Variants in MAPK8IP3 observed in about 807,000 individuals in gnomAD.
The protein encoded by MAPK8IP3 is mitogen-activated protein kinase 8 interacting protein 3, also known as C-Jun-amino-terminal kinase-interacting protein 3.
MAPK8IP3 carries 49 observed loss-of-function variants against 157.8 expected under a neutral mutation model. The observed-to-expected ratio is 0.31, with a 90% confidence interval of 0.25 to 0.39. The LOEUF is 0.39. MAPK8IP3 is among the 10% of genes least tolerant of loss of function. The pLI, the probability that MAPK8IP3 is intolerant of heterozygous loss-of-function variation, is 1.00. For missense variants in MAPK8IP3, 1,478 were observed against 1,889.4 expected (o/e 0.78, Z 4.04); for synonymous variants, 897 against 777.7 (o/e 1.15, Z -2.55).
In MAPK8IP3 at chr16:1,747,275, G is replaced by T; in HGVS notation, c.994G>T (p.Gly332Cys). 6.2e-7 allele frequency: 1 copy of T among 1,612,108 alleles called. No homozygotes were observed. Among genetic ancestry groups the T allele is most frequent in the Non-Finnish European group, 8.5e-7 (1 of 1,178,890 alleles). Residue 332 changes from glycine (G) to cysteine (C), a missense_variant and splice_region_variant, in exon 6 of 32, where the codon GGC becomes TGC. By Grantham distance (159) the Gly-to-Cys change is radical. This residue lies in a region of MAPK8IP3 where 315 missense variants were observed against 394.4 expected (regional missense o/e 0.80). Transcript: ENST00000610761. ...CCAGGAGATGCGCAACGTCAGTATA[G>T]GTGGGTGCCCACCTCCGGGACTCTG... ...VTQEMRNVSI[G>C]MGSSDEWSDV...
intron 4 of MAPK8IP3, among the ~76,000 whole-genome samples, chr16:1,738,040 G>A (rs184472346): frequency 1.9e-4 from 17 of 88,550 alleles, no homozygotes; most frequent in Admixed American, 4.9e-4. Flanking sequence ...CCGTGTGAGC[G>A]TGTGACCGTC....
chr16:1,715,828 A>G (rs2038110881), intron 1 of MAPK8IP3, among the ~76,000 whole-genome samples: 3 of 151,664 alleles, frequency 2.0e-5, no homozygotes, highest in Non-Finnish European at 4.4e-5. Context: ...TCCCGGGTTC[A>G]AGCGATTCTG....
intron 1 of MAPK8IP3, among the ~76,000 whole-genome samples, chr16:1,709,528 G>A (rs2037623969): frequency 2.0e-5 from 3 of 152,292 alleles, no homozygotes; most frequent in Admixed American, 1.3e-4. Context: ...CAGGGCCGCC[G>A]TGGACGGCAG....
Position 1,743,011 on chromosome 16 carries a change from C to T in MAPK8IP3, c.603-321C>T, listed in dbSNP as rs1287466895. 2.6e-5 allele frequency among the ~76,000 whole-genome samples: 4 copies of T among 151,970 alleles called. No individual in the cohort carries two copies. Among genetic ancestry groups the T allele is most frequent in the South Asian group, 4.1e-4 (2 of 4,828 alleles). On this transcript the variant is annotated intron_variant, in intron 4 of 31. Coordinates refer to ENST00000610761, the MANE Select transcript of MAPK8IP3 (RefSeq NM_001318852.2). The surrounding 1 kb of genome is among the most constrained non-coding windows in gnomAD (Gnocchi z 5.6). ...GTGGGAGGCTGAGGCAGGAGAATGGCGTGAACCTGGGAGGTGGAACTTGCA... is the reference window on the plus strand; with the variant it reads ...GTGGGAGGCTGAGGCAGGAGAATGGTGTGAACCTGGGAGGTGGAACTTGCA...
rs540363815 is a variant in MAPK8IP3 at position 1,738,186 on chromosome 16, G to A, written c.603-5146G>A. Among the ~76,000 whole-genome samples the A allele has an allele frequency of 8.2e-4, 70 of 85,796 alleles. 5 individuals are homozygous for A. The highest frequency in any genetic ancestry group is 6.2e-4 in the Admixed American group (5 of 8,052). 56.3% of individuals were successfully genotyped at this position (85,796 alleles called of 152,430 possible). On this transcript the variant is annotated intron_variant, in intron 4 of 31. Coordinates refer to ENST00000610761, the MANE Select transcript of MAPK8IP3 (RefSeq NM_001318852.2). ...TGTGTGACCGTCCGTGTGAGCGTCC[G>A]TGAGCGTGTGACCGTCCGTGTGTGT... is the stretch of plus-strand genomic sequence containing the variant.
rs1216692963 is a variant in MAPK8IP3, at chr16:1,741,480, C to T, written c.603-1852C>T. ...CTTGGCCTCCTGGGAGACCAGAGGC[C>T]CCTCTGACCCTGCTGTCCCCTGTAG... On this transcript the variant is annotated intron_variant, in intron 4 of 31. Transcript: ENST00000610761. The surrounding 1 kb of genome is among the most constrained non-coding windows in gnomAD (Gnocchi z 6.9). Among the ~76,000 whole-genome samples, 3 of 152,096 alleles carry T rather than the reference C, an allele frequency of 2.0e-5. No individual in the cohort carries two copies. The highest frequency in any genetic ancestry group is 2.0e-4 in the Admixed American group (3 of 15,274).
At chr16:1,712,637 G>A (rs960612265) in intron 1 of MAPK8IP3, among the ~76,000 whole-genome samples, 9 of 152,296 alleles carry the variant, frequency 5.9e-5, no homozygotes, top group East Asian at 1.9e-4. Context: ...TGGACAGAGT[G>A]AGGCTGTCTT....
intron 1 of MAPK8IP3, chr16:1,707,323 C>G (rs533362348): frequency 2.6e-5 from 4 of 152,242 alleles, no homozygotes; most frequent in Non-Finnish European, 5.9e-5. Flanking sequence ...CGGGCTGCTC[C>G]TCTGTCAGCA....
At chr16:1,756,779 G>A (rs2041625988) in intron 8 of MAPK8IP3, among the ~76,000 whole-genome samples, 1 of 152,034 alleles carries the variant, frequency 6.6e-6, no homozygotes, top group African/African-American at 2.4e-5. Flanking sequence ...CTATGATAGT[G>A]CCACTGCACT....
chr16:1,748,749 G>A (rs777494586), intron 8 of MAPK8IP3, 29 bp downstream of exon 8: 3 of 1,561,456 alleles, frequency 1.9e-6, no homozygotes, highest in African/African-American at 2.7e-5. Flanking sequence ...CCGCACCGCT[G>A]TGCCTGCACA....
intron 1 of MAPK8IP3, among the ~76,000 whole-genome samples, chr16:1,721,726 C>A (rs1237142702): frequency 1.3e-5 from 2 of 152,150 alleles, no homozygotes; most frequent in Non-Finnish European, 2.9e-5. Flanking sequence ...CAGGCATGAG[C>A]CACCGCTCCG....
Position 1,767,225 on chromosome 16 carries a change from T to C in MAPK8IP3, c.3165T>C (p.Val1055=), listed in dbSNP as rs2042322655. The part of the protein sequence containing the change: ...HPHHSIRCMA[V]VYDRVWCGYK... ...ACCACTCCATCCGCTGCATGGCTGT[T>C]GTGTACGACCGCGTGTGGTGTGGCT... is the stretch of plus-strand genomic sequence containing the variant. The change falls in exon 26 of 32, where the codon GTT becomes GTC. Residue 1055 remains valine, a synonymous_variant. Transcript: ENST00000610761. The C allele has an allele frequency of 6.2e-7, 1 of 1,613,282 alleles. No homozygotes were observed. The highest frequency in any genetic ancestry group is 8.5e-7 in the Non-Finnish European group (1 of 1,180,010).
At chr16:1,761,391 C>G (rs1173945315) in intron 13 of MAPK8IP3, 86 bp downstream of exon 13, 15 of 1,146,968 alleles carry the variant, frequency 1.3e-5, no homozygotes, top group Non-Finnish European at 1.6e-5. Context: ...CATTCACACA[C>G]AGGGTGACCA....
rs892481461 is a variant in MAPK8IP3 at position 1,706,697 on chromosome 16, AC to A, written c.318+45del. The stretch of plus-strand genomic sequence containing the variant: ...GGACCCGCCCGCATCCCCGTCCCGG[AC>A]CCCCAGCCAGCCCCGGGCCCCGGAC... On this transcript the variant is annotated intron_variant, in intron 1 of 31. Transcript: ENST00000610761. The surrounding 1 kb of genome is among the most constrained non-coding windows in gnomAD (Gnocchi z 5.1). 4.7e-6 allele frequency: 7 copies of A among 1,490,674 alleles called. No homozygotes were observed. The African/African-American group carries it at 7.1e-5, about 15-fold the overall frequency. The allele number at this position is 1,490,674 out of a possible 1,614,324, so 92.3% of individuals were successfully genotyped here.
In MAPK8IP3 at chr16:1,762,745, C is replaced by T. The variant is rs1315870413; in HGVS notation, c.1727+14C>T. On this transcript the variant is annotated intron_variant, in intron 15 of 31. Transcript: ENST00000610761. The stretch of plus-strand genomic sequence containing the variant: ...CATCTGGCAGTTGTAAGCTGGGGGC[C>T]CCTGGGGGATGTGGGCAGCAGCTGC... The T allele has an allele frequency of 2.5e-6, 4 of 1,583,998 alleles. No individual in the cohort carries two copies. Among genetic ancestry groups the T allele is most frequent in the African/African-American group, 1.3e-5 (1 of 74,280 alleles).
chr16:1,735,034 G>A (rs946123477), intron 4 of MAPK8IP3: 28 of 154,016 alleles, frequency 1.8e-4, no homozygotes, highest in Middle Eastern at 1.5e-3. Flanking sequence ...AGACATTCGC[G>A]CAGTGCACGG....
intron 4 of MAPK8IP3, among the ~76,000 whole-genome samples, chr16:1,735,827 C>A (rs1309880387): frequency 7.5e-6 from 1 of 134,018 alleles, no homozygotes; most frequent in African/African-American, 2.9e-5. Flanking sequence ...GTGTGACCGT[C>A]CGTGTGAGAG....
At chr16:1,707,833 C>A (rs1187540029) in intron 1 of MAPK8IP3, 2 of 152,172 alleles carry the variant, frequency 1.3e-5, no homozygotes, top group African/African-American at 4.8e-5. Context: ...GCTTCAATTC[C>A]TTTTCAATTA....
chr16:1,750,519 G>C (rs1000401536), intron 8 of MAPK8IP3, among the ~76,000 whole-genome samples: 1 of 151,528 alleles, frequency 6.6e-6, no homozygotes. Context: ...GGCCGATAAT[G>C]TATATTTTTT....
Sources: gnomAD v4.1 joint callset for allele counts (sites outside exome capture counted in the v4.1 genomes callset) on GRCh38, gnomAD v4.1.1 for gene constraint, gnomAD v4.1.1 regional missense constraint, Gnocchi (gnomAD v3.1) non-coding constraint, MANE v1.5 for transcripts, NCBI Gene and HGNC (gene_info 2026-07-23, HGNC 2026-07-21) for gene names.